ARSK: variants seen among roughly 807,000 people sequenced by gnomAD.
ARSK encodes the protein arylsulfatase family member K.
A neutral mutation model predicts 53.2 loss-of-function variants in ARSK; 37 were observed. The ratio of observed to expected loss-of-function variants is 0.70; its 90% confidence interval spans 0.54 to 0.92. The LOEUF is 0.92. Ranked by LOEUF, ARSK falls within the 40% of genes least tolerant of loss-of-function variation. ARSK has a pLI of 0.00. For missense variants in ARSK, 613 were observed against 643.0 expected, an observed-to-expected ratio of 0.95 and a Z score of 0.51; for synonymous variants, 208 against 223.2, an observed-to-expected ratio of 0.93 and a Z score of 0.61.
intron 3 of ARSK, among the ~76,000 whole-genome samples, chr5:95,572,191 CACAGTTGTTTCATCTGG>C (rs1748843722): frequency 6.6e-6 from 1 of 152,154 alleles, no homozygotes; most frequent in African/African-American, 2.4e-5. Flanking sequence ...CTATGGGCTG[CACAGTTGTTTCATCTGG>C]ACAGTTGTTA....
intron 1 of ARSK, among the ~76,000 whole-genome samples, chr5:95,558,906 C>G (rs567343700): frequency 6.6e-6 from 1 of 152,128 alleles, no homozygotes; most frequent in Non-Finnish European, 1.5e-5. Flanking sequence ...TTTGGGAGAC[C>G]GAGGTGGGTG....
chr5:95,578,969 GT>G (rs1748975465), intron 3 of ARSK, among the ~76,000 whole-genome samples: 1 of 152,168 alleles, frequency 6.6e-6, no homozygotes, highest in Non-Finnish European at 1.5e-5. Flanking sequence ...TTAGTGAGGA[GT>G]TTTTTGTTGT....
intron 1 of ARSK, among the ~76,000 whole-genome samples, chr5:95,559,975 A>G (rs1301410101): frequency 6.6e-6 from 1 of 152,238 alleles, no homozygotes. Context: ...TGAACTAATA[A>G]ATTAGTAAGG....
chr5:95,580,889 T>C (rs1225882888), intron 3 of ARSK: 2 of 1,286,544 alleles, frequency 1.6e-6, no homozygotes, highest in Admixed American at 2.3e-5. Context: ...TTTTACACTT[T>C]AGGCACAGTG....
chr5:95,593,966 T>C (rs1749259506), intron 6 of ARSK, among the ~76,000 whole-genome samples: 1 of 152,210 alleles, frequency 6.6e-6, no homozygotes, highest in Admixed American at 6.5e-5. Context: ...ATGTGTTGAT[T>C]AGACCTCCTC....
chr5:95,604,499 T>C lies in ARSK; in HGVS notation c.*973T>C, dbSNP rs1230907157. 2 of 152,150 alleles carry C rather than the reference T, an allele frequency of 1.3e-5. No homozygotes were observed. 9.4% of individuals were successfully genotyped at this position (152,150 alleles called of 1,614,324 possible). ...TATTCCTTTCCCCCTACACAAACGG[T>C]AACATACTGCACACATTGTTCTGCA... On this transcript the variant is annotated 3_prime_UTR_variant, in exon 8 of 8. Transcript: ENST00000380009.
In ARSK at chr5:95,582,958, C is replaced by T; in HGVS notation, c.459C>T (p.Leu153=). The T allele has an allele frequency of 6.2e-7, 1 of 1,611,920 alleles. No homozygotes were observed. Among genetic ancestry groups the T allele is most frequent in the Non-Finnish European group, 8.5e-7 (1 of 1,178,586 alleles). The change falls in exon 4 of 8, where the codon CTC becomes CTT. Residue 153 remains leucine (L), a synonymous_variant. Transcript: ENST00000380009. ...EAWTRDVAFL[L]RQEGRPMVNL... ...GGACAAGAGATGTTGCTTTCTTACT[C>T]AGACAAGAAGGCAGGCCCATGGTTA... is the stretch of plus-strand genomic sequence containing the variant.
intron 3 of ARSK, among the ~76,000 whole-genome samples, chr5:95,574,911 TA>T (rs1216563198): frequency 1.3e-5 from 2 of 152,214 alleles, no homozygotes; most frequent in African/African-American, 4.8e-5. Context: ...ACTCAAGAAA[TA>T]TTTGTCCAGT....
At chr5:95,598,922 C>G (rs893538911) in intron 6 of ARSK, among the ~76,000 whole-genome samples, 1 of 152,210 alleles carries the variant, frequency 6.6e-6, no homozygotes, top group Non-Finnish European at 1.5e-5. Flanking sequence ...GGGACACTGT[C>G]TAAATGTGAC....
chr5:95,600,795 G>T (rs1749388068), intron 6 of ARSK, 52 bp from the exon 7 acceptor site: 2 of 1,472,792 alleles, frequency 1.4e-6, no homozygotes, highest in African/African-American at 1.4e-5. Context: ...TGAATGTTCA[G>T]CTAATAAAAG....
chr5:95,591,730 A>T, intron 6 of ARSK, 105 bp downstream of exon 6: 3 of 1,048,152 alleles, frequency 2.9e-6, no homozygotes. Context: ...GGTCCTGCTG[A>T]CTTGTTTATA....
chr5:95,598,772 T>A (rs1435033334), intron 6 of ARSK, among the ~76,000 whole-genome samples: 2 of 152,136 alleles, frequency 1.3e-5, no homozygotes, highest in Admixed American at 6.5e-5. Context: ...CCTCACTTAC[T>A]CTACTCCAGC....
Position 95,575,400 on chromosome 5 carries a change from T to C in ARSK, c.416+7351T>C, listed in dbSNP as rs183871504. On this transcript the variant is annotated intron_variant, in intron 3 of 7. Transcript: ENST00000380009. ...TCCATATAAATTTTAGGATTGTTTA[T>C]TTCTACGAAGAATGTTATTGGTATT... Among the ~76,000 whole-genome samples the C allele has an allele frequency of 3.0e-3, 459 of 152,288 alleles. 1 individual carries two copies. Among genetic ancestry groups the C allele is most frequent in the African/African-American group, 0.01 (416 of 41,574 alleles).
Position 95,562,905 on chromosome 5 carries a change from C to T in ARSK, c.127-3093C>T, listed in dbSNP as rs559830731. 7.9e-5 allele frequency among the ~76,000 whole-genome samples: 12 copies of T among 152,316 alleles called. No individual in the cohort carries two copies. The South Asian group carries it at 1.4e-3, about 18-fold the overall frequency. Reference sequence around the variant, plus strand: ...CATTTTTCAAGATTTTCTCTGCCAACTAAATTTGACAGAACTGTGTTTTCA... The same window carrying T: ...CATTTTTCAAGATTTTCTCTGCCAATTAAATTTGACAGAACTGTGTTTTCA... On this transcript the variant is annotated intron_variant, in intron 1 of 7. Transcript: ENST00000380009.
chr5:95,561,743 T>C (rs1257668230), intron 1 of ARSK, among the ~76,000 whole-genome samples: 2 of 151,924 alleles, frequency 1.3e-5, no homozygotes, highest in Non-Finnish European at 1.5e-5. Flanking sequence ...TTCAGGAAAA[T>C]AGAGAGTAAT....
intron 3 of ARSK, among the ~76,000 whole-genome samples, chr5:95,582,044 T>C (rs1392901125): frequency 6.6e-6 from 1 of 152,136 alleles, no homozygotes; most frequent in Non-Finnish European, 1.5e-5. Flanking sequence ...TTCTCTTAAG[T>C]GGAGTATTAT....
chr5:95,578,518 G>A (rs915890042), intron 3 of ARSK, among the ~76,000 whole-genome samples: 10 of 151,890 alleles, frequency 6.6e-5, no homozygotes, highest in Non-Finnish European at 1.3e-4. Flanking sequence ...GAATTTATTA[G>A]GTCGATACAG....
At chr5:95,586,831 G>C in intron 5 of ARSK, 98 bp downstream of exon 5, 1 of 1,042,892 alleles carries the variant, frequency 9.6e-7, no homozygotes. Flanking sequence ...TTACAAAGTT[G>C]CTTATAACTA....
At chr5:95,594,186 C>T (rs1283941983) in intron 6 of ARSK, among the ~76,000 whole-genome samples, 3 of 152,090 alleles carry the variant, frequency 2.0e-5, no homozygotes, top group African/African-American at 7.2e-5. Flanking sequence ...AACACTGAAA[C>T]ATTCTATTAA....
Sources: gnomAD v4.1 joint callset for allele counts (sites outside exome capture counted in the v4.1 genomes callset) on GRCh38, gnomAD v4.1.1 for gene constraint, MANE v1.5 for transcripts, NCBI Gene and HGNC (gene_info 2026-07-23, HGNC 2026-07-21) for gene names.